ACOX3: variants seen among roughly 807,000 people sequenced by gnomAD.
ACOX3 encodes the protein peroxisomal acyl-coenzyme A oxidase 3.
In ACOX3, 73 loss-of-function variants were observed where a neutral mutation model predicts 81.5. That is an observed-to-expected ratio of 0.90 (90% CI 0.74 to 1.09). ACOX3 has a LOEUF of 1.09. ACOX3 is among the 50% of genes least tolerant of loss of function. The pLI is 0.00. For synonymous variants in ACOX3, 387 were observed against 375.1 expected, an observed-to-expected ratio of 1.03 and a Z score of -0.37; for missense variants, 947 against 928.0, an observed-to-expected ratio of 1.02 and a Z score of -0.27.
Position 8,389,505 on chromosome 4 carries a change from C to A in ACOX3, c.1423+107G>T. The stretch of plus-strand genomic sequence containing the variant: ...ATCTAATAACATTTCTTTCCTTCTG[C>A]AAACCTAGGATGCATTCACAGAACA... On this transcript the variant is annotated intron_variant, in intron 12 of 17. Transcript: ENST00000356406. This position sits in a 1 kb window ranked among gnomAD's most constrained non-coding sequence, Gnocchi z 5.3. The A allele has an allele frequency of 6.5e-7, 1 of 1,543,784 alleles. No individual in the cohort carries two copies. The highest frequency in any genetic ancestry group is 8.8e-7 in the Non-Finnish European group (1 of 1,132,926).
chr4:8,383,878 C>T (rs899291175), intron 13 of ACOX3, among the ~76,000 whole-genome samples: 3 of 152,180 alleles, frequency 2.0e-5, no homozygotes, highest in African/African-American at 4.8e-5. Flanking sequence ...AGGTAGACGC[C>T]GTACAGTTGT....
chr4:8,372,535 T>G (rs1051675237), intron 16 of ACOX3, among the ~76,000 whole-genome samples: 1 of 152,200 alleles, frequency 6.6e-6, no homozygotes, highest in African/African-American at 2.4e-5. Context: ...ATTTGGCTCT[T>G]GGAGGAGCCA....
chr4:8,388,653 G>A (rs1015287357), intron 13 of ACOX3, among the ~76,000 whole-genome samples: 6 of 152,152 alleles, frequency 3.9e-5, no homozygotes, highest in African/African-American at 9.7e-5. Flanking sequence ...CTGGGAGGAC[G>A]CCCCACCCCG....
In ACOX3 at chr4:8,381,428, G is replaced by T; in HGVS notation, c.1653+64C>A. 1 of 1,467,382 alleles carries T rather than the reference G, an allele frequency of 6.8e-7. No individual in the cohort carries two copies. The highest frequency in any genetic ancestry group is 1.2e-5 in the South Asian group (1 of 84,554). 90.9% of individuals were successfully genotyped at this position (1,467,382 alleles called of 1,614,324 possible). A position where few individuals can be genotyped will look rare whatever the true frequency, so the allele number is the denominator to read the frequency against. Reference sequence around the variant, plus strand: ...TTGCCAGGATGTTCAAACTCCCAGGGACACAACGGCCAGGGAATTAAGAGC... The same window carrying T: ...TTGCCAGGATGTTCAAACTCCCAGGTACACAACGGCCAGGGAATTAAGAGC... On this transcript the variant is annotated intron_variant, in intron 14 of 17. Coordinates refer to ENST00000356406, the MANE Select transcript of ACOX3 (RefSeq NM_003501.3). This position sits in a 1 kb window ranked among gnomAD's most constrained non-coding sequence, Gnocchi z 4.3.
rs1170869503 is a variant in ACOX3, at chr4:8,379,711, G to T, written c.1653+1781C>A. Among the ~76,000 whole-genome samples, 7 of 152,298 alleles carry T rather than the reference G, an allele frequency of 4.6e-5. No homozygotes were observed. In the South Asian group the frequency reaches 1.0e-3, roughly 23 times the overall value. ...AAGAGACACAGGTGTTGTTAGGAAG[G>T]GGGTCCTTTTGTGCCCCCCATCTCT... On this transcript the variant is annotated intron_variant, in intron 14 of 17. Coordinates refer to ENST00000356406, the MANE Select transcript of ACOX3 (RefSeq NM_003501.3).
In ACOX3 at chr4:8,399,232, A is replaced by G. The variant is rs11938364; in HGVS notation, c.873+324T>C. Among the ~76,000 whole-genome samples the G allele has an allele frequency of 0.19, 29,425 of 152,130 alleles. 3,067 individuals carry two copies. The highest frequency in any genetic ancestry group is 0.28 in the South Asian group (1,331 of 4,820). On this transcript the variant is annotated intron_variant, in intron 8 of 17. Transcript: ENST00000356406. The surrounding 1 kb of genome is among the most constrained non-coding windows in gnomAD (Gnocchi z 4.9). Reference sequence around the variant, plus strand: ...CTGTTTGTCGTCCCCCTTTGTGGACAGTTCGCCAGGAGACCCGTCTCCTTC... The same window carrying G: ...CTGTTTGTCGTCCCCCTTTGTGGACGGTTCGCCAGGAGACCCGTCTCCTTC...
rs759032374 is a variant in ACOX3, at chr4:8,431,818, C to A, written c.-15+8830G>T. Among the ~76,000 whole-genome samples, 4 of 152,262 alleles carry A rather than the reference C, an allele frequency of 2.6e-5. No individual in the cohort carries two copies. The highest frequency in any genetic ancestry group is 5.9e-5 in the Non-Finnish European group (4 of 68,054). ...CTCCCTTCGGCACACCGATTCCCTG[C>A]TCAGTTTTAGACCTTGGTGCTATTG... On this transcript the variant is annotated intron_variant, in intron 1 of 17. Coordinates refer to ENST00000356406, the MANE Select transcript of ACOX3 (RefSeq NM_003501.3). This position sits in a 1 kb window ranked among gnomAD's most constrained non-coding sequence, Gnocchi z 5.3.
In ACOX3 at chr4:8,366,619, A is replaced by G; in HGVS notation, c.*342T>C. On this transcript the variant is annotated 3_prime_UTR_variant, in exon 18 of 18. Transcript: ENST00000356406. ...GAATCACAGGTTGTCTGACCAGAAGATCCCTGACAATGGGCTGTTTACTTT... is the reference window on the plus strand; with the variant it reads ...GAATCACAGGTTGTCTGACCAGAAGGTCCCTGACAATGGGCTGTTTACTTT... 5.4e-6 allele frequency: 1 copy of G among 185,860 alleles called. No individual in the cohort carries two copies. Among genetic ancestry groups the G allele is most frequent in the Non-Finnish European group, 1.1e-5 (1 of 88,326 alleles). The allele number at this position is 185,860 out of a possible 1,614,324, so 11.5% of individuals were successfully genotyped here. A position where few individuals can be genotyped will look rare whatever the true frequency, so the allele number is the denominator to read the frequency against.
At position 8,414,390 on chromosome 4, in the gene ACOX3, C is replaced by T. The variant is rs1445743604; in HGVS notation, c.454-9G>A. ...GCAAAACATCCAAAAATCTAAATGT[C>T]AAAGCACAAAATGATGGAAAGCAAG... is the stretch of plus-strand genomic sequence containing the variant. On this transcript the variant is annotated splice_polypyrimidine_tract_variant and intron_variant, in intron 4 of 17. Transcript: ENST00000356406. The surrounding 1 kb of genome is among the most constrained non-coding windows in gnomAD (Gnocchi z 6.1). 13 of 1,612,088 alleles carry T rather than the reference C, an allele frequency of 8.1e-6. No homozygotes were observed. In the Admixed American group the frequency reaches 1.5e-4, roughly 19 times the overall value.
chr4:8,391,925 C>A (rs1719037107), intron 11 of ACOX3, among the ~76,000 whole-genome samples: 1 of 152,252 alleles, frequency 6.6e-6, no homozygotes, highest in Non-Finnish European at 1.5e-5. Flanking sequence ...TGCTAGTTTA[C>A]TACCAAGCTG....
chr4:8,430,968 G>C lies in ACOX3; in HGVS notation c.-15+9680C>G, dbSNP rs1723918298. The stretch of plus-strand genomic sequence containing the variant: ...TAGACATTGGAAGGCAGGCTAAAGG[G>C]GAAGAGCTCAGGGCATCTGGTGGCC... On this transcript the variant is annotated intron_variant, in intron 1 of 17. Coordinates refer to ENST00000356406, the MANE Select transcript of ACOX3 (RefSeq NM_003501.3). The surrounding 1 kb of genome is among the most constrained non-coding windows in gnomAD (Gnocchi z 5.2). 6.6e-6 allele frequency among the ~76,000 whole-genome samples: 1 copy of C among 152,208 alleles called. No individual in the cohort carries two copies. The highest frequency in any genetic ancestry group is 6.5e-5 in the Admixed American group (1 of 15,288).
rs1719447087 is a variant in ACOX3, at chr4:8,394,517, C to T, written c.1179+103G>A. ...CAACTGGAGGAATGCTCTGTCCTCG[C>T]AAATCAAAGGACTGATTTTGCTTTG... On this transcript the variant is annotated intron_variant, in intron 10 of 17. Coordinates refer to ENST00000356406, the MANE Select transcript of ACOX3 (RefSeq NM_003501.3). The surrounding 1 kb of genome is among the most constrained non-coding windows in gnomAD (Gnocchi z 5.9). The T allele has an allele frequency of 6.7e-7, 1 of 1,500,550 alleles. No individual in the cohort carries two copies. The highest frequency in any genetic ancestry group is 1.4e-5 in the African/African-American group (1 of 72,562). The allele number at this position is 1,500,550 out of a possible 1,614,324, so 93.0% of individuals were successfully genotyped here.
At chr4:8,375,581 G>T (rs368636874) in intron 14 of ACOX3, among the ~76,000 whole-genome samples, 1 of 152,170 alleles carries the variant, frequency 6.6e-6, no homozygotes, top group Non-Finnish European at 1.5e-5. Context: ...GGCTTGTCAG[G>T]CTCCTCCCTG....
At position 8,368,886 on chromosome 4, in the gene ACOX3, CCTAGG is replaced by C. The variant is rs1230390758; in HGVS notation, c.1984-1811_1984-1807del. ...TTATGGATGGGGTTTCAGTATGTTG[CCTAGG>C]CTGGTCTCAAACTCCTGGGCTAAAG... On this transcript the variant is annotated intron_variant, in intron 17 of 17. Transcript: ENST00000356406. This position sits in a 1 kb window ranked among gnomAD's most constrained non-coding sequence, Gnocchi z 5.9. Among the ~76,000 whole-genome samples the C allele has an allele frequency of 6.6e-6, 1 of 152,012 alleles. No homozygotes were observed. Among genetic ancestry groups the C allele is most frequent in the African/African-American group, 2.4e-5 (1 of 41,380 alleles).
At chr4:8,372,741 G>A (rs1394639017) in intron 16 of ACOX3, among the ~76,000 whole-genome samples, 4 of 152,206 alleles carry the variant, frequency 2.6e-5, no homozygotes, top group African/African-American at 9.7e-5. Context: ...AGCAGTGACA[G>A]GGGAGATGAA....
At chr4:8,372,329 G>C (rs1371340453) in intron 16 of ACOX3, among the ~76,000 whole-genome samples, 1 of 152,082 alleles carries the variant, frequency 6.6e-6, no homozygotes, top group African/African-American at 2.4e-5. Context: ...CGAACTCCTG[G>C]CCTCCAGTGA....
At chr4:8,409,923 CTG>C in intron 6 of ACOX3, among the ~76,000 whole-genome samples, 1 of 144,972 alleles carries the variant, frequency 6.9e-6, no homozygotes, top group East Asian at 2.1e-4. Context: ...GCGGAGCTGT[CTG>C]TGCACTGTGG....
intron 7 of ACOX3, among the ~76,000 whole-genome samples, chr4:8,403,729 C>T (rs1720614357): frequency 6.6e-6 from 1 of 152,164 alleles, no homozygotes; most frequent in South Asian, 2.1e-4. Context: ...AATATTATCC[C>T]AGTAAGAGGT....
At chr4:8,413,348 T>A (rs1721977614) in intron 5 of ACOX3, among the ~76,000 whole-genome samples, 1 of 121,134 alleles carries the variant, frequency 8.3e-6, no homozygotes, top group African/African-American at 3.2e-5. Flanking sequence ...CCCCAGGGCA[T>A]CCATCTGTGG....
Sources: gnomAD v4.1 joint callset for allele counts (sites outside exome capture counted in the v4.1 genomes callset) on GRCh38, gnomAD v4.1.1 for gene constraint, Gnocchi (gnomAD v3.1) non-coding constraint, MANE v1.5 for transcripts, NCBI Gene and HGNC (gene_info 2026-07-23, HGNC 2026-07-21) for gene names.